Variants in CHAT observed in about 807,000 individuals in gnomAD.
CHAT encodes choline O-acetyltransferase, also known as acetyl CoA:choline O-acetyltransferase.
A neutral mutation model predicts 76.9 loss-of-function variants in CHAT; 61 were observed. The ratio of observed to expected loss-of-function variants is 0.79; its 90% CI spans 0.65 to 0.98. The LOEUF (loss-of-function observed/expected upper bound fraction) is 0.98. CHAT is among the 50% of genes least tolerant of loss of function. The pLI is 0.00. For synonymous variants in CHAT, 407 were observed against 397.4 expected (o/e 1.02, Z -0.29); for missense variants, 946 against 986.9 (o/e 0.96, Z 0.56).
intron 7 of CHAT, among the ~76,000 whole-genome samples, chr10:49,637,062 C>T (rs1245446853): frequency 1.3e-5 from 2 of 150,450 alleles, no homozygotes; most frequent in African/African-American, 4.9e-5. Flanking sequence ...GTCAGTCTCT[C>T]TATGAATTTG....
intron 8 of CHAT, among the ~76,000 whole-genome samples, chr10:49,648,210 A>C (rs1275255822): frequency 1.3e-5 from 2 of 151,970 alleles, no homozygotes; most frequent in African/African-American, 4.8e-5. Flanking sequence ...AGCTGGGCAG[A>C]CTCGTCCTGA....
chr10:49,624,298 T>C (rs1838837401), intron 5 of CHAT, among the ~76,000 whole-genome samples: 1 of 152,230 alleles, frequency 6.6e-6, no homozygotes, highest in African/African-American at 2.4e-5. Flanking sequence ...AATGTTTTAT[T>C]ACAGGATTCA....
At chr10:49,637,163 T>C (rs986632794) in intron 7 of CHAT, among the ~76,000 whole-genome samples, 2 of 152,136 alleles carry the variant, frequency 1.3e-5, no homozygotes, top group African/African-American at 4.8e-5. Context: ...ATTTCCTTCA[T>C]CTTGCTTGCT....
rs78959528 is a variant in CHAT at position 49,650,459 on chromosome 10, G to C, written c.1511+823G>C. On this transcript the variant is annotated intron_variant, in intron 10 of 14. Transcript: ENST00000337653. Reference sequence around the variant, plus strand: ...GTGAGGGAGGGCCTTGTAGAGACGGGCCTTGAAGGATGGATAGGAGTTCAT... The same window carrying C: ...GTGAGGGAGGGCCTTGTAGAGACGGCCCTTGAAGGATGGATAGGAGTTCAT... Among the ~76,000 whole-genome samples the C allele has an allele frequency of 1.8e-4, 27 of 152,358 alleles. No homozygotes were observed. The East Asian group carries it at 5.0e-3, about 28-fold the overall frequency.
intron 11 of CHAT, among the ~76,000 whole-genome samples, chr10:49,653,311 A>G (rs181488364): frequency 6.6e-6 from 1 of 152,294 alleles, no homozygotes; most frequent in East Asian, 1.9e-4. Context: ...GGAGGCGAAG[A>G]AACCAAAATG....
intron 5 of CHAT, 53 bp from the exon 6 acceptor site, chr10:49,625,420 T>G: frequency 6.4e-7 from 1 of 1,568,398 alleles, no homozygotes; most frequent in Non-Finnish European, 8.7e-7. Flanking sequence ...CTGTCTCCCC[T>G]CACCACCCAC....
intron 7 of CHAT, among the ~76,000 whole-genome samples, chr10:49,642,909 T>C (rs1246549045): frequency 2.6e-5 from 4 of 152,196 alleles, no homozygotes; most frequent in Non-Finnish European, 4.4e-5. Context: ...CACACTGAGC[T>C]CTTCCATGAT....
intron 1 of CHAT, 28 bp downstream of exon 1, chr10:49,614,503 C>G: frequency 6.9e-7 from 1 of 1,454,130 alleles, no homozygotes; most frequent in Non-Finnish European, 9.1e-7. Flanking sequence ...GCTGGGCTGG[C>G]GGAGCGCGGT....
intron 13 of CHAT, among the ~76,000 whole-genome samples, chr10:49,657,929 G>A (rs12359885): frequency 0.15 from 23,058 of 152,128 alleles, 1,879 homozygotes; most frequent in Non-Finnish European, 0.18. Flanking sequence ...GAAGCCCCCA[G>A]GTTAACAAAT....
intron 11 of CHAT, among the ~76,000 whole-genome samples, chr10:49,654,507 G>C (rs1309985662): frequency 6.6e-6 from 1 of 152,262 alleles, no homozygotes; most frequent in African/African-American, 2.4e-5. Context: ...CATAAGGACA[G>C]AGGAGTCCCC....
chr10:49,620,756 G>A lies in CHAT; in HGVS notation c.698+143G>A, dbSNP rs116594729. The A allele has an allele frequency of 1.6e-3, 1,168 of 710,636 alleles. 8 individuals are homozygous for A. In the African/African-American group the frequency reaches 0.018, roughly 11 times the overall value. The allele number at this position is 710,636 out of a possible 1,614,324, so 44.0% of individuals were successfully genotyped here. A position where few individuals can be genotyped will look rare whatever the true frequency, so the allele number is the denominator to read the frequency against. ...AATGCCCCGAGACAGTGGACGTCCA[G>A]GCCATCAGGTGGGGAGCAAGGTTAG... is the stretch of plus-strand genomic sequence containing the variant. On this transcript the variant is annotated intron_variant, in intron 4 of 14. Transcript: ENST00000337653.
chr10:49,612,199 G>A (rs753088885), upstream of CHAT: 2 of 1,609,214 alleles, frequency 1.2e-6, no homozygotes, highest in Non-Finnish European at 1.7e-6. Context: ...TGTGCTGCTT[G>A]ATGAGCCACC....
chr10:49,628,685 G>C (rs143353549), intron 7 of CHAT, among the ~76,000 whole-genome samples: 1 of 152,222 alleles, frequency 6.6e-6, no homozygotes, highest in Non-Finnish European at 1.5e-5. Context: ...GAGAGGGGAC[G>C]GAGCCCTTCC....
intron 7 of CHAT, among the ~76,000 whole-genome samples, chr10:49,636,582 G>A (rs75007141): frequency 0.02 from 3,073 of 152,230 alleles, 118 homozygotes; most frequent in African/African-American, 0.071. Flanking sequence ...GAAAGAGATT[G>A]TATAAATGTG....
At chr10:49,610,018 C>T (rs1450175368), upstream of CHAT, among the ~76,000 whole-genome samples, 1 of 150,670 alleles carries the variant, frequency 6.6e-6, no homozygotes, top group African/African-American at 2.4e-5. Context: ...CCTAGAACCG[C>T]GGGCGGGGGG....
intron 7 of CHAT, among the ~76,000 whole-genome samples, chr10:49,629,043 C>T (rs575677733): frequency 5.2e-5 from 8 of 152,396 alleles, no homozygotes; most frequent in East Asian, 1.9e-4. Context: ...GCATCCTTCC[C>T]GCACACTCTG....
chr10:49,646,517 G>A lies in CHAT; in HGVS notation c.1124G>A (p.Arg375Gln), dbSNP rs201616704. The A allele has an allele frequency of 1.8e-4, 287 of 1,614,196 alleles. 1 individual carries two copies. Among genetic ancestry groups the A allele is most frequent in the South Asian group, 1.4e-3 (126 of 91,090 alleles). The change falls in exon 8 of 15, where the codon CGG becomes CAG. Residue 375 changes from arginine to glutamine, a missense_variant. Transcript: ENST00000337653. ...RTVLVKDSTNRDSLDMIERCI... is the reference protein window; with the variant it reads ...RTVLVKDSTNQDSLDMIERCI... ...GCCTCCCCTGCAGACTCCACCAACC[G>A]GGACTCGCTGGACATGATTGAGCGC...
chr10:49,665,882 C>T lies in CHAT; in HGVS notation c.*836C>T, dbSNP rs75059494. ...GTTTGCAGAGGACCTGGCCCCTTCC[C>T]GGGGTCCTGCCATTTGCATTTTTTC... On this transcript the variant is annotated 3_prime_UTR_variant, in exon 15 of 15. Transcript: ENST00000337653. Among the ~76,000 whole-genome samples the T allele has an allele frequency of 4.9e-4, 74 of 152,280 alleles. No homozygotes were observed. Among genetic ancestry groups the T allele is most frequent in the African/African-American group, 1.7e-3 (70 of 41,548 alleles).
chr10:49,630,495 A>T (rs1404887930), intron 7 of CHAT, among the ~76,000 whole-genome samples: 1 of 152,194 alleles, frequency 6.6e-6, no homozygotes, highest in Non-Finnish European at 1.5e-5. Flanking sequence ...CACTGACAGA[A>T]GTGATCCAAC....
Sources: allele counts gnomAD v4.1 joint callset (sites outside exome capture counted in the v4.1 genomes callset), GRCh38; gene constraint gnomAD v4.1.1; transcripts MANE v1.5; gene names NCBI Gene and HGNC (gene_info 2026-07-23, HGNC 2026-07-21).